The following ADAM12 variants were observed in gnomAD, a reference collection of about 807,000 sequenced individuals.
The protein encoded by ADAM12 is ADAM metallopeptidase domain 12, also known as disintegrin and metalloproteinase domain-containing protein 12.
ADAM12 carries 70 observed loss-of-function variants against 106.4 expected under a neutral mutation model. The ratio of observed to expected loss-of-function variants is 0.66; its 90% CI spans 0.54 to 0.80. The LOEUF is 0.80. Among genes scored for constraint, ADAM12 ranks in the 30% least tolerant of loss-of-function variants. ADAM12 has a pLI of 0.00. For synonymous variants in ADAM12, 420 were observed against 433.5 expected, an observed-to-expected ratio of 0.97 and a Z score of 0.39; for missense variants, 1,010 against 1,171.9, an observed-to-expected ratio of 0.86 and a Z score of 2.02.
chr10:126,259,854 G>A (rs1168232117), intron 3 of ADAM12, among the ~76,000 whole-genome samples: 1 of 152,218 alleles, frequency 6.6e-6, no homozygotes. Context: ...AAAACTGAGG[G>A]AAATCGAGTC....
intron 4 of ADAM12, 56 bp downstream of exon 4, chr10:126,155,171 G>T (rs1466359): frequency 0.42 from 657,626 of 1,581,554 alleles, 143,152 homozygotes; most frequent in East Asian, 0.78. Context: ...GGCTACAAAG[G>T]TTAAGCACAG....
intron 1 of ADAM12, among the ~76,000 whole-genome samples, chr10:126,356,064 G>T (rs1288697465): frequency 2.6e-5 from 4 of 152,158 alleles, no homozygotes; most frequent in Non-Finnish European, 4.4e-5. Context: ...ACTTCAAACA[G>T]CACTCAGCTT....
intron 3 of ADAM12, among the ~76,000 whole-genome samples, chr10:126,192,984 C>G (rs1166054664): frequency 6.6e-6 from 1 of 152,128 alleles, no homozygotes; most frequent in Non-Finnish European, 1.5e-5. Flanking sequence ...AAGGACAGAC[C>G]TCTGGGCGCA....
chr10:126,170,588 G>T (rs2133761965), intron 3 of ADAM12, among the ~76,000 whole-genome samples: 1 of 152,260 alleles, frequency 6.6e-6, no homozygotes, highest in East Asian at 1.9e-4. Flanking sequence ...GCCATGGGTT[G>T]TGCCAGCCCC....
At chr10:126,292,515 T>C (rs1402548526) in intron 2 of ADAM12, among the ~76,000 whole-genome samples, 3 of 152,326 alleles carry the variant, frequency 2.0e-5, no homozygotes, top group African/African-American at 4.8e-5. Context: ...CTGCCCTTCA[T>C]ATATAAAGCC....
intron 3 of ADAM12, among the ~76,000 whole-genome samples, chr10:126,219,585 A>G (rs1958052299): frequency 1.3e-5 from 2 of 152,258 alleles, no homozygotes; most frequent in South Asian, 2.1e-4. Flanking sequence ...GTTTCTGGTG[A>G]AAATCCTTAT....
chr10:126,082,939 C>G (rs920387447), intron 11 of ADAM12, among the ~76,000 whole-genome samples: 3 of 152,178 alleles, frequency 2.0e-5, no homozygotes. Context: ...AGGTCTTTCC[C>G]CAGTTATGCC....
Position 126,088,981 on chromosome 10 carries a change from C to G in ADAM12, c.1145+5004G>C, listed in dbSNP as rs139556014. On this transcript the variant is annotated intron_variant, in intron 11 of 22. Transcript: ENST00000448723. ...GTGAATGATTTGCACCCCAGGAGAG[C>G]AGGGGGTAACCCTCATTTGCTTATT... 2.6e-5 allele frequency among the ~76,000 whole-genome samples: 4 copies of G among 152,262 alleles called. 1 individual carries two copies. The highest frequency in any genetic ancestry group is 9.6e-5 in the African/African-American group (4 of 41,542).
intron 1 of ADAM12, among the ~76,000 whole-genome samples, chr10:126,366,335 T>C (rs985901372): frequency 3.3e-5 from 5 of 152,290 alleles, no homozygotes; most frequent in East Asian, 1.9e-4. Flanking sequence ...ATTAATTCCA[T>C]GCAGCCTTTT....
At chr10:126,373,879 A>G (rs1856194401) in intron 1 of ADAM12, among the ~76,000 whole-genome samples, 1 of 152,252 alleles carries the variant, frequency 6.6e-6, no homozygotes, top group South Asian at 2.1e-4. Flanking sequence ...CCTGGCAGAC[A>G]TAGGACTTCA....
intron 6 of ADAM12, among the ~76,000 whole-genome samples, chr10:126,113,701 T>A (rs1401443485): frequency 0.011 from 462 of 41,178 alleles, 6 homozygotes; most frequent in East Asian, 0.018. Flanking sequence ...TATATATATA[T>A]ATATATATAT....
At chr10:126,021,534 C>T (rs537219067) in intron 21 of ADAM12, among the ~76,000 whole-genome samples, 14 of 152,242 alleles carry the variant, frequency 9.2e-5, no homozygotes, top group African/African-American at 3.4e-4. Context: ...AGGAAAAAGC[C>T]CCTGAACAAG....
intron 3 of ADAM12, among the ~76,000 whole-genome samples, chr10:126,177,228 AT>A (rs1957236308): frequency 6.6e-6 from 1 of 152,150 alleles, no homozygotes; most frequent in African/African-American, 2.4e-5. Flanking sequence ...CAGGAGGAAA[AT>A]AGAAGATAAC....
chr10:126,324,229 T>C (rs188680328), intron 2 of ADAM12, among the ~76,000 whole-genome samples: 1 of 152,352 alleles, frequency 6.6e-6, no homozygotes, highest in East Asian at 1.9e-4. Context: ...GGCCAGGGGT[T>C]CAGGATGGGT....
intron 10 of ADAM12, among the ~76,000 whole-genome samples, chr10:126,094,672 A>C (rs1034097371): frequency 2.0e-5 from 3 of 152,192 alleles, no homozygotes; most frequent in African/African-American, 7.2e-5. Flanking sequence ...AATTCACAAT[A>C]CTTCATAATA....
intron 17 of ADAM12, among the ~76,000 whole-genome samples, 182 bp downstream of exon 17, chr10:126,045,873 T>C (rs899621417): frequency 7.2e-5 from 11 of 152,262 alleles, no homozygotes; most frequent in Non-Finnish European, 1.5e-4. Flanking sequence ...TCTGATTTTC[T>C]TTGTTAAATA....
chr10:126,301,179 A>G (rs1367239436), intron 2 of ADAM12, among the ~76,000 whole-genome samples: 1 of 152,206 alleles, frequency 6.6e-6, no homozygotes, highest in Non-Finnish European at 1.5e-5. Context: ...AACCCAGTCC[A>G]AATGTTAACA....
intron 21 of ADAM12, among the ~76,000 whole-genome samples, chr10:126,022,696 A>G (rs1323722017): frequency 6.6e-6 from 1 of 152,246 alleles, no homozygotes; most frequent in Non-Finnish European, 1.5e-5. Context: ...ATCACCAAGC[A>G]TCATCTGAAG....
At chr10:126,231,228 A>T (rs1261785416) in intron 3 of ADAM12, among the ~76,000 whole-genome samples, 1 of 151,304 alleles carries the variant, frequency 6.6e-6, no homozygotes. Flanking sequence ...GCCCATTAAG[A>T]TTATTTAAAG....
Sources: allele counts gnomAD v4.1 joint callset (sites outside exome capture counted in the v4.1 genomes callset), GRCh38; gene constraint gnomAD v4.1.1; transcripts MANE v1.5; gene names NCBI Gene and HGNC (gene_info 2026-07-23, HGNC 2026-07-21).